BMP5: variants seen among roughly 807,000 people sequenced by gnomAD.
BMP5 encodes bone morphogenetic protein 5.
Under a neutral mutation model 46.6 loss-of-function variants are expected in BMP5, and 23 were observed. That is an observed-to-expected ratio of 0.49 (90% CI 0.35 to 0.70). BMP5 has a LOEUF of 0.70. Ranked by LOEUF, BMP5 falls within the 30% of genes least tolerant of loss-of-function variation. BMP5 has a pLI of 0.00. For synonymous variants in BMP5, 204 were observed against 191.9 expected (o/e 1.06, Z -0.52); for missense variants, 545 against 565.6 (o/e 0.96, Z 0.37).
chr6:55,835,990 T>C (rs1285712492), intron 1 of BMP5, among the ~76,000 whole-genome samples: 4 of 152,220 alleles, frequency 2.6e-5, no homozygotes, highest in Non-Finnish European at 5.9e-5. Context: ...CACAATACGG[T>C]ATTTTCTTTC....
intron 1 of BMP5, among the ~76,000 whole-genome samples, chr6:55,860,590 G>A (rs1777508096): frequency 6.6e-6 from 1 of 152,136 alleles, no homozygotes; most frequent in South Asian, 2.1e-4. Context: ...AAGGTAAAGA[G>A]AGAGAGAGAG....
chr6:55,861,776 G>C (rs576263803), intron 1 of BMP5, among the ~76,000 whole-genome samples: 1 of 152,252 alleles, frequency 6.6e-6, no homozygotes, highest in East Asian at 1.9e-4. Context: ...AGTGAAAATA[G>C]TGCAAATTCA....
chr6:55,821,229 C>CA (rs1278680403), intron 1 of BMP5, among the ~76,000 whole-genome samples: 1 of 152,130 alleles, frequency 6.6e-6, no homozygotes, highest in Non-Finnish European at 1.5e-5. Flanking sequence ...AAGGAACCCA[C>CA]AATGCTTTGC....
chr6:55,783,390 T>C (rs1324340896), intron 3 of BMP5, among the ~76,000 whole-genome samples: 1 of 152,016 alleles, frequency 6.6e-6, no homozygotes, highest in Non-Finnish European at 1.5e-5. Context: ...TTTGTTTCTG[T>C]TTTGGTTTTC....
chr6:55,759,731 T>G (rs1487830872), intron 5 of BMP5, among the ~76,000 whole-genome samples: 2 of 151,952 alleles, frequency 1.3e-5, no homozygotes, highest in African/African-American at 4.8e-5. Flanking sequence ...TTCGGGAAGC[T>G]AAAGAATTGG....
chr6:55,865,513 C>T (rs1040813989), intron 1 of BMP5: 1 of 434,260 alleles, frequency 2.3e-6, no homozygotes, highest in Middle Eastern at 3.4e-4. Context: ...CTGACATAGA[C>T]TGACCTTTTC....
At chr6:55,778,218 G>T (rs755995738) in intron 3 of BMP5, among the ~76,000 whole-genome samples, 1 of 151,988 alleles carries the variant, frequency 6.6e-6, no homozygotes, top group Non-Finnish European at 1.5e-5. Flanking sequence ...ACTGGAAAGA[G>T]GGTAGGGATG....
At chr6:55,832,291 G>T (rs1018634995) in intron 1 of BMP5, among the ~76,000 whole-genome samples, 2 of 152,076 alleles carry the variant, frequency 1.3e-5, no homozygotes, top group African/African-American at 4.8e-5. Flanking sequence ...ATCACAATGA[G>T]CCTGCAAACT....
intron 4 of BMP5, chr6:55,772,841 C>T (rs1459352253): frequency 7.1e-6 from 7 of 984,928 alleles, no homozygotes; most frequent in African/African-American, 1.7e-5. Context: ...GGACTTCTAA[C>T]GTGATTCTCC....
In BMP5 at chr6:55,758,999, G is replaced by C. The variant is rs1200253831; in HGVS notation, c.1215+6C>G. On this transcript the variant is annotated splice_donor_region_variant and intron_variant, in intron 6 of 6. Transcript: ENST00000370830. The stretch of plus-strand genomic sequence containing the variant: ...CTTTTCTTAATCCTTCAAAAACAAA[G>C]CTTACCAGAGTCTGAACTATAGCGT... 3 of 1,573,698 alleles carry C rather than the reference G, an allele frequency of 1.9e-6. No individual in the cohort carries two copies. The highest frequency in any genetic ancestry group is 2.6e-6 in the Non-Finnish European group (3 of 1,144,272).
chr6:55,793,748 G>T (rs1467970102), intron 3 of BMP5, among the ~76,000 whole-genome samples: 1 of 152,100 alleles, frequency 6.6e-6, no homozygotes, highest in East Asian at 1.9e-4. Flanking sequence ...TTTTTCTGCA[G>T]TTTTTTGTGA....
At chr6:55,805,260 T>C (rs1247184647) in intron 2 of BMP5, among the ~76,000 whole-genome samples, 1 of 152,130 alleles carries the variant, frequency 6.6e-6, no homozygotes, top group Non-Finnish European at 1.5e-5. Flanking sequence ...TTACTTTAGG[T>C]TCCGGGATAC....
intron 2 of BMP5, among the ~76,000 whole-genome samples, chr6:55,806,102 G>A (rs1775981943): frequency 6.6e-6 from 1 of 151,998 alleles, no homozygotes; most frequent in Non-Finnish European, 1.5e-5. Context: ...TTTGGCTTTT[G>A]TTGCAATTGC....
At chr6:55,864,565 G>A (rs1777595957) in intron 1 of BMP5, among the ~76,000 whole-genome samples, 1 of 152,014 alleles carries the variant, frequency 6.6e-6, no homozygotes, top group Non-Finnish European at 1.5e-5. Flanking sequence ...CCTGAATCAT[G>A]AGCCAAACAA....
chr6:55,798,606 T>G (rs1356091790), intron 2 of BMP5, among the ~76,000 whole-genome samples: 1 of 152,166 alleles, frequency 6.6e-6, no homozygotes, highest in African/African-American at 2.4e-5. Context: ...AGAGTCAGGT[T>G]TAACAGATAA....
At chr6:55,788,343 T>C (rs1775497188) in intron 3 of BMP5, among the ~76,000 whole-genome samples, 1 of 151,744 alleles carries the variant, frequency 6.6e-6, no homozygotes, top group African/African-American at 2.4e-5. Context: ...TGAAACAGGT[T>C]AAAACTTTCT....
Position 55,874,365 on chromosome 6 carries a change from GA to G in BMP5, c.490+10del. ...TAATAACATAGATTAACAAACAAAT[GA>G]ACAACATACCTAAGTTGACAAAGCT... On this transcript the variant is annotated intron_variant, in intron 1 of 6. Transcript: ENST00000370830. The G allele has an allele frequency of 6.2e-7, 1 of 1,612,662 alleles. No individual in the cohort carries two copies. The highest frequency in any genetic ancestry group is 1.7e-5 in the Admixed American group (1 of 59,870).
intron 6 of BMP5, among the ~76,000 whole-genome samples, chr6:55,756,666 G>C (rs1451387528): frequency 7.2e-5 from 11 of 151,874 alleles, no homozygotes; most frequent in Admixed American, 3.9e-4. Flanking sequence ...AAATGATATA[G>C]GGGCCTTGCA....
At chr6:55,863,999 C>G (rs1376990814) in intron 1 of BMP5, among the ~76,000 whole-genome samples, 1 of 151,924 alleles carries the variant, frequency 6.6e-6, no homozygotes, top group Non-Finnish European at 1.5e-5. Context: ...GGTACACCCC[C>G]ATTTTTAAAG....
Sources: allele counts gnomAD v4.1 joint callset (sites outside exome capture counted in the v4.1 genomes callset), GRCh38; gene constraint gnomAD v4.1.1; transcripts MANE v1.5; gene names NCBI Gene and HGNC (gene_info 2026-07-23, HGNC 2026-07-21).